GLRX3: variants seen among roughly 807,000 people sequenced by gnomAD.
GLRX3 encodes the protein glutaredoxin 3.
GLRX3 carries 22 observed loss-of-function variants against 49.5 expected under a neutral mutation model. The observed-to-expected ratio is 0.44, with a 90% CI of 0.32 to 0.63. The LOEUF is 0.63. Ranked by LOEUF, GLRX3 falls within the 30% of genes least tolerant of loss-of-function variation. GLRX3 has a pLI of 0.05. For missense variants in GLRX3, 385 were observed against 396.3 expected (o/e 0.97, Z 0.24); for synonymous variants, 133 against 140.0 (o/e 0.95, Z 0.35).
At chr10:130,145,094 A>G in intron 1 of GLRX3, 117 bp from the exon 2 acceptor site, 1 of 496,674 alleles carries the variant, frequency 2.0e-6, no homozygotes, top group Non-Finnish European at 3.6e-6. Context: ...GCAATATGAA[A>G]AACTTCAGAC....
chr10:130,151,870 T>G (rs1017145937), intron 2 of GLRX3, among the ~76,000 whole-genome samples: 3 of 152,218 alleles, frequency 2.0e-5, no homozygotes, highest in African/African-American at 7.2e-5. Flanking sequence ...CCCTTTATTT[T>G]GAGCCTATGT....
chr10:130,152,022 G>T (rs1041513147), intron 2 of GLRX3, among the ~76,000 whole-genome samples: 3 of 151,592 alleles, frequency 2.0e-5, no homozygotes, highest in Non-Finnish European at 2.9e-5. Flanking sequence ...TGTTGTGTGT[G>T]AATTTTTTTT....
At chr10:130,174,059 T>C (rs1484582629) in intron 8 of GLRX3, among the ~76,000 whole-genome samples, 2 of 152,252 alleles carry the variant, frequency 1.3e-5, no homozygotes, top group East Asian at 1.9e-4. Context: ...GTGAAATCGC[T>C]CTGAGTGGAT....
intron 4 of GLRX3, among the ~76,000 whole-genome samples, chr10:130,161,469 C>A (rs781567551): frequency 3.3e-5 from 5 of 152,176 alleles, no homozygotes; most frequent in Non-Finnish European, 7.3e-5. Context: ...TTGTGTCCAG[C>A]CTGTGTGCTT....
At chr10:130,146,723 A>G (rs1387708482) in intron 2 of GLRX3, among the ~76,000 whole-genome samples, 1 of 152,218 alleles carries the variant, frequency 6.6e-6, no homozygotes, top group Non-Finnish European at 1.5e-5. Context: ...TTAAAACAAG[A>G]ATCTGTGAGT....
In GLRX3 at chr10:130,165,534, A is replaced by G. The variant is rs569090507; in HGVS notation, c.479-973A>G. 3.2e-4 allele frequency among the ~76,000 whole-genome samples: 48 copies of G among 152,342 alleles called. 1 individual carries two copies. The South Asian group carries it at 5.2e-3, about 16-fold the overall frequency. On this transcript the variant is annotated intron_variant, in intron 4 of 10. Coordinates refer to ENST00000331244, the MANE Select transcript of GLRX3 (RefSeq NM_006541.5). ...TAGGGAATGTAAATAGTTTTAAAAAAGAAACTGTCAAGTTATGACATGAGA... is the reference window on the plus strand; with the variant it reads ...TAGGGAATGTAAATAGTTTTAAAAAGGAAACTGTCAAGTTATGACATGAGA...
At chr10:130,174,942 G>A (rs147767090) in intron 9 of GLRX3, 36 bp downstream of exon 9, 3 of 1,578,626 alleles carry the variant, frequency 1.9e-6, no homozygotes, top group South Asian at 1.1e-5. Flanking sequence ...CCTTGTCTTA[G>A]CTTTAATCTT....
At chr10:130,169,005 C>T (rs1417310265) in intron 6 of GLRX3, among the ~76,000 whole-genome samples, 1 of 152,152 alleles carries the variant, frequency 6.6e-6, no homozygotes, top group Non-Finnish European at 1.5e-5. Flanking sequence ...TGAGGTTTAA[C>T]GCTGTCACCC....
chr10:130,166,455 A>T (rs1303964513), intron 4 of GLRX3, 52 bp from the exon 5 acceptor site: 1 of 1,281,502 alleles, frequency 7.8e-7, no homozygotes, highest in Non-Finnish European at 1.1e-6. Flanking sequence ...TATCATGTGT[A>T]TGTGTTTTGG....
intron 1 of GLRX3, among the ~76,000 whole-genome samples, chr10:130,143,367 T>A (rs1862210456): frequency 6.6e-6 from 1 of 152,036 alleles, no homozygotes; most frequent in Non-Finnish European, 1.5e-5. Context: ...ATTTTTCAGA[T>A]TTTTTTGGGA....
chr10:130,139,089 G>C (rs896798985), intron 1 of GLRX3, among the ~76,000 whole-genome samples: 2 of 151,932 alleles, frequency 1.3e-5, no homozygotes, highest in African/African-American at 2.4e-5. Context: ...TTGAACTCCT[G>C]ACCTTAGGTG....
At chr10:130,142,745 C>T (rs1388585572) in intron 1 of GLRX3, among the ~76,000 whole-genome samples, 1 of 152,120 alleles carries the variant, frequency 6.6e-6, no homozygotes, top group Non-Finnish European at 1.5e-5. Context: ...GATTGTCACT[C>T]CCTCTTGACA....
intron 6 of GLRX3, among the ~76,000 whole-genome samples, chr10:130,168,256 C>T (rs1862732395): frequency 6.6e-6 from 1 of 152,098 alleles, no homozygotes; most frequent in Admixed American, 6.5e-5. Flanking sequence ...TTTGGCAGTA[C>T]TTTGTGAGCT....
intron 1 of GLRX3, among the ~76,000 whole-genome samples, chr10:130,143,802 A>G (rs2134873461): frequency 6.6e-6 from 1 of 152,102 alleles, no homozygotes; most frequent in Non-Finnish European, 1.5e-5. Flanking sequence ...GGTTCAAACA[A>G]TTCTTCTGCC....
At chr10:130,158,892 GAATT>G (rs1862525981) in intron 2 of GLRX3, among the ~76,000 whole-genome samples, 3 of 151,998 alleles carry the variant, frequency 2.0e-5, no homozygotes, top group Admixed American at 2.0e-4. Flanking sequence ...AAAAAAATAA[GAATT>G]AAGGTAGTAA....
At chr10:130,146,060 T>C (rs562383540) in intron 2 of GLRX3, among the ~76,000 whole-genome samples, 2 of 152,278 alleles carry the variant, frequency 1.3e-5, no homozygotes, top group South Asian at 4.1e-4. Context: ...CCCAAAGTAC[T>C]GTGATTAGGC....
At chr10:130,180,191 A>G (rs1158153682), downstream of GLRX3, 2 of 151,458 alleles carry the variant, frequency 1.3e-5, no homozygotes, top group Non-Finnish European at 2.9e-5. Flanking sequence ...TCTCGGGGCC[A>G]AGCGATCCTC....
At chr10:130,144,276 AT>A (rs1355085848) in intron 1 of GLRX3, among the ~76,000 whole-genome samples, 1 of 130,750 alleles carries the variant, frequency 7.6e-6, no homozygotes, top group African/African-American at 2.9e-5. Context: ...AATATGGTTG[AT>A]TTGCCTGGCT....
chr10:130,167,319 G>A (rs904942250), intron 6 of GLRX3, among the ~76,000 whole-genome samples: 5 of 152,130 alleles, frequency 3.3e-5, no homozygotes, highest in Non-Finnish European at 7.3e-5. Flanking sequence ...CAGCACACTC[G>A]TGTTTTACTG....
Sources: allele counts gnomAD v4.1 joint callset (sites outside exome capture counted in the v4.1 genomes callset), GRCh38; gene constraint gnomAD v4.1.1; transcripts MANE v1.5; gene names NCBI Gene and HGNC (gene_info 2026-07-23, HGNC 2026-07-21).